LRBA: variants seen among roughly 807,000 people sequenced by gnomAD.
LRBA encodes lipopolysaccharide-responsive and beige-like anchor protein.
LRBA carries 176 observed loss-of-function variants against 330.0 expected under a neutral mutation model. The observed-to-expected ratio is 0.53, with a 90% CI of 0.47 to 0.60. LRBA has a LOEUF of 0.60. LRBA is among the 20% of genes least tolerant of loss of function. LRBA has a pLI of 0.00. For missense variants in LRBA, 3,259 were observed against 3,444.8 expected, an observed-to-expected ratio of 0.95 and a Z score of 1.35; for synonymous variants, 1,230 against 1,193.0, an observed-to-expected ratio of 1.03 and a Z score of -0.64.
At chr4:150,543,372 GTGAAC>G (rs1469387825) in intron 40 of LRBA, among the ~76,000 whole-genome samples, 2 of 152,192 alleles carry the variant, frequency 1.3e-5, no homozygotes, top group East Asian at 3.8e-4. Context: ...TGCCAGCTAT[GTGAAC>G]TGAAATTTGC....
At chr4:150,934,801 G>A (rs1490999017) in intron 2 of LRBA, among the ~76,000 whole-genome samples, 1 of 152,108 alleles carries the variant, frequency 6.6e-6, no homozygotes, top group African/African-American at 2.4e-5. Context: ...CTGAGGTCAG[G>A]AGTTTGAGAT....
Position 150,328,897 on chromosome 4 carries a change from T to C in LRBA, c.7363-2999A>G, listed in dbSNP as rs1007683299. ...ATCTTTATTATAGATACAAATTTAA[T>C]ATAACTGGCCTTAATATTACATATA... is the stretch of plus-strand genomic sequence containing the variant. On this transcript the variant is annotated intron_variant, in intron 48 of 56. Transcript: ENST00000651943. Among the ~76,000 whole-genome samples the C allele has an allele frequency of 2.7e-4, 41 of 152,174 alleles. 1 individual carries two copies. Among genetic ancestry groups the C allele is most frequent in the South Asian group, 4.1e-4 (2 of 4,830 alleles).
In LRBA at chr4:150,264,580, G is replaced by C. The variant is rs1175331612; in HGVS notation, c.*1142C>G. 1 of 152,330 alleles carries C rather than the reference G, an allele frequency of 6.6e-6. No homozygotes were observed. Among genetic ancestry groups the C allele is most frequent in the East Asian group, 1.9e-4 (1 of 5,196 alleles). 9.4% of individuals were successfully genotyped at this position (152,330 alleles called of 1,614,324 possible). ...ACTGAATTGTTCATTCCAAATCCTTGCTTTTAGAGAAGAGCTGAGTGTGTA... is the reference window on the plus strand; with the variant it reads ...ACTGAATTGTTCATTCCAAATCCTTCCTTTTAGAGAAGAGCTGAGTGTGTA... On this transcript the variant is annotated 3_prime_UTR_variant, in exon 57 of 57. Transcript: ENST00000651943.
chr4:150,735,157 T>C (rs1731018555), intron 36 of LRBA, 101 bp downstream of exon 36: 2 of 842,542 alleles, frequency 2.4e-6, no homozygotes, highest in African/African-American at 1.7e-5. Context: ...TTTGATGACA[T>C]ATACTATGTT....
chr4:150,985,926 A>T (rs2149614647), intron 2 of LRBA, among the ~76,000 whole-genome samples: 1 of 152,320 alleles, frequency 6.6e-6, no homozygotes, highest in East Asian at 1.9e-4. Context: ...TTAAATCAAC[A>T]TTAAATTTTT....
chr4:150,981,108 G>T (rs993849111), intron 2 of LRBA, among the ~76,000 whole-genome samples: 1 of 149,464 alleles, frequency 6.7e-6, no homozygotes, highest in South Asian at 2.1e-4. Context: ...ATTCTTCAGA[G>T]AAATTAAAAA....
chr4:150,712,847 T>TA (rs1241150950), intron 36 of LRBA, among the ~76,000 whole-genome samples: 1 of 152,068 alleles, frequency 6.6e-6, no homozygotes. Flanking sequence ...TCTTTTCCAA[T>TA]ATATCACACA....
At chr4:150,920,454 C>T (rs923545914) in intron 5 of LRBA, among the ~76,000 whole-genome samples, 1 of 152,062 alleles carries the variant, frequency 6.6e-6, no homozygotes, top group Non-Finnish European at 1.5e-5. Flanking sequence ...GAGGCTGAGG[C>T]AGAAGAATCG....
chr4:150,656,092 A>AT, intron 37 of LRBA, among the ~76,000 whole-genome samples: 1 of 152,100 alleles, frequency 6.6e-6, no homozygotes, highest in East Asian at 1.9e-4. Context: ...TCACTTCTCT[A>AT]TTTTCAAAAC....
At chr4:150,883,942 T>C (rs1433490638) in intron 17 of LRBA, among the ~76,000 whole-genome samples, 1 of 152,144 alleles carries the variant, frequency 6.6e-6, no homozygotes, top group Non-Finnish European at 1.5e-5. Context: ...GCATTTTCCC[T>C]CCATGAAAAA....
At position 150,820,564 on chromosome 4, in the gene LRBA, G is replaced by GT. The variant is rs1451425142; in HGVS notation, c.5172-3308dup. On this transcript the variant is annotated intron_variant, in intron 30 of 56. Transcript: ENST00000651943. ...ATTATTTCATATAGCTACATAATTA[G>GT]TATATAATAGAGAAATAAAATCAAT... 4.6e-5 allele frequency among the ~76,000 whole-genome samples: 7 copies of GT among 151,954 alleles called. No homozygotes were observed. In the South Asian group the frequency reaches 1.5e-3, roughly 32 times the overall value.
chr4:150,746,801 C>T lies in LRBA; in HGVS notation c.5646-11435G>A, dbSNP rs1166348411. Among the ~76,000 whole-genome samples the T allele has an allele frequency of 8.5e-5, 13 of 152,242 alleles. No homozygotes were observed. In the East Asian group the frequency reaches 1.9e-3, roughly 23 times the overall value. The stretch of plus-strand genomic sequence containing the variant: ...CTGGGATTATAGGTGTGAGCCACTA[C>T]GCCCGGCCAAAAGTTGTTTTTCTTT... On this transcript the variant is annotated intron_variant, in intron 35 of 56. Transcript: ENST00000651943.
At chr4:150,830,652 T>G (rs1453664508) in intron 29 of LRBA, among the ~76,000 whole-genome samples, 1 of 152,104 alleles carries the variant, frequency 6.6e-6, no homozygotes, top group East Asian at 1.9e-4. Flanking sequence ...GGTTATGGTC[T>G]TAGGACACTA....
At chr4:150,731,152 C>T (rs945784749) in intron 36 of LRBA, among the ~76,000 whole-genome samples, 2 of 152,038 alleles carry the variant, frequency 1.3e-5, no homozygotes, top group African/African-American at 2.4e-5. Flanking sequence ...CAAACGCTGT[C>T]GAGGATGTGG....
chr4:150,495,342 T>C (rs1387682475), intron 40 of LRBA, among the ~76,000 whole-genome samples: 1 of 152,156 alleles, frequency 6.6e-6, no homozygotes, highest in African/African-American at 2.4e-5. Flanking sequence ...GCTTTTCAAG[T>C]TAAACATGAC....
At position 150,691,783 on chromosome 4, in the gene LRBA, GAC is replaced by G. The variant is rs558308739; in HGVS notation, c.5755-8068_5755-8067del. On this transcript the variant is annotated intron_variant, in intron 36 of 56. Transcript: ENST00000651943. Reference sequence around the variant, plus strand: ...ATGGTGCATTTAGTCATAAAAGTCAGACACTGAAAACAACCCAATGTCTGCCT... The same window carrying G: ...ATGGTGCATTTAGTCATAAAAGTCAGACTGAAAACAACCCAATGTCTGCCT... Among the ~76,000 whole-genome samples the G allele has an allele frequency of 4.2e-3, 643 of 152,152 alleles. 4 individuals carry two copies. The highest frequency in any genetic ancestry group is 0.015 in the African/African-American group (622 of 41,514).
intron 46 of LRBA, among the ~76,000 whole-genome samples, chr4:150,424,133 TAAGA>T (rs1171852791): frequency 6.6e-6 from 1 of 152,220 alleles, no homozygotes; most frequent in Non-Finnish European, 1.5e-5. Context: ...CAAGCATTTC[TAAGA>T]AACTAATAGT....
chr4:150,509,588 A>C (rs7690365), intron 40 of LRBA, among the ~76,000 whole-genome samples: 34,788 of 150,730 alleles, frequency 0.23, 4,545 homozygotes, highest in Non-Finnish European at 0.3. Context: ...AAAGAGAGAA[A>C]TATCACTAAA....
At chr4:150,868,945 A>G (rs1455231406) in intron 20 of LRBA, among the ~76,000 whole-genome samples, 2 of 152,244 alleles carry the variant, frequency 1.3e-5, no homozygotes, top group African/African-American at 4.8e-5. Flanking sequence ...CTCAAAAAAA[A>G]ATAATGAAAT....
Sources: allele counts gnomAD v4.1 joint callset (sites outside exome capture counted in the v4.1 genomes callset), GRCh38; gene constraint gnomAD v4.1.1; transcripts MANE v1.5; gene names NCBI Gene and HGNC (gene_info 2026-07-23, HGNC 2026-07-21).